Variants in SORD observed in about 807,000 individuals in gnomAD.
SORD encodes the protein (R,R)-butanediol dehydrogenase.
SORD carries 18 observed loss-of-function variants against 35.6 expected under a neutral mutation model. The ratio of observed to expected loss-of-function variants is 0.51; its 90% CI spans 0.35 to 0.75. The LOEUF is 0.75. SORD is among the 30% of genes least tolerant of loss of function. The pLI, the probability that SORD is intolerant of heterozygous loss-of-function variation, is 0.01. For synonymous variants in SORD, 106 were observed against 152.9 expected (o/e 0.69, Z 2.26); for missense variants, 250 against 390.2 (o/e 0.64, Z 3.03).
chr15:45,064,721 T>C (rs1566964272), intron 4 of SORD, among the ~76,000 whole-genome samples: 3 of 152,236 alleles, frequency 2.0e-5, no homozygotes, highest in Non-Finnish European at 4.4e-5. Context: ...ATAGTCAGGA[T>C]TGTTTGCTAA....
intron 1 of SORD, among the ~76,000 whole-genome samples, chr15:45,032,960 G>A (rs1004996938): frequency 4.5e-4 from 69 of 152,040 alleles, no homozygotes; most frequent in Non-Finnish European, 9.7e-4. Context: ...CCCACAGGAG[G>A]CTTGGCAGCA....
intron 5 of SORD, among the ~76,000 whole-genome samples, chr15:45,065,617 T>C (rs1368358066): frequency 6.6e-6 from 1 of 152,212 alleles, no homozygotes; most frequent in African/African-American, 2.4e-5. Context: ...TAGCCCTTTT[T>C]GTTCATTTAA....
chr15:45,071,060 G>A (rs956559866), intron 7 of SORD, among the ~76,000 whole-genome samples: 7 of 152,194 alleles, frequency 4.6e-5, no homozygotes, highest in Non-Finnish European at 8.8e-5. Context: ...TCTGAGCATC[G>A]CCATCCTGCC....
At chr15:45,036,384 GTCAC>G (rs1298360502) in intron 1 of SORD, 38 of 455,694 alleles carry the variant, frequency 8.3e-5, no homozygotes, top group Admixed American at 1.6e-4. Flanking sequence ...TCCTCTTGTA[GTCAC>G]TCATTAAAAG....
At chr15:45,038,181 TTCCTTCCTTCC>T (rs1892904111) in intron 1 of SORD, among the ~76,000 whole-genome samples, 3 of 136,800 alleles carry the variant, frequency 2.2e-5, no homozygotes, top group African/African-American at 9.1e-5. Context: ...CCTTCCTTCC[TTCCTTCCTTCC>T]TTCTGATGTA....
At chr15:45,053,664 T>C (rs1893165528) in intron 3 of SORD, among the ~76,000 whole-genome samples, 1 of 151,902 alleles carries the variant, frequency 6.6e-6, no homozygotes, top group Admixed American at 6.6e-5. Flanking sequence ...ATTATTATAC[T>C]TTAAGTTTTA....
At chr15:45,034,244 C>T (rs1331553758) in intron 1 of SORD, among the ~76,000 whole-genome samples, 4 of 151,986 alleles carry the variant, frequency 2.6e-5, no homozygotes, top group South Asian at 4.2e-4. Flanking sequence ...CATAACTACC[C>T]TGAGGTCACG....
intron 3 of SORD, among the ~76,000 whole-genome samples, chr15:45,050,136 G>A (rs1416233710): frequency 6.6e-6 from 1 of 152,176 alleles, no homozygotes; most frequent in Non-Finnish European, 1.5e-5. Flanking sequence ...AGGCTGGAGT[G>A]CAGTGGCGCC....
chr15:45,049,229 T>A (rs1893090814), intron 3 of SORD, among the ~76,000 whole-genome samples: 1 of 152,172 alleles, frequency 6.6e-6, no homozygotes, highest in South Asian at 2.1e-4. Flanking sequence ...CTGGTTTTTT[T>A]CTTTCTCGTT....
chr15:45,048,337 T>C (rs1204366011), intron 3 of SORD, among the ~76,000 whole-genome samples: 2 of 152,176 alleles, frequency 1.3e-5, no homozygotes, highest in Non-Finnish European at 2.9e-5. Flanking sequence ...GTAGACACTA[T>C]GGAAAAATAA....
intron 3 of SORD, among the ~76,000 whole-genome samples, chr15:45,049,703 G>A (rs545262331): frequency 6.6e-6 from 1 of 152,276 alleles, no homozygotes; most frequent in African/African-American, 2.4e-5. Context: ...TAATTGCTCA[G>A]AATTAAAATA....
intron 5 of SORD, among the ~76,000 whole-genome samples, chr15:45,066,774 G>C (rs1893412350): frequency 6.6e-6 from 1 of 152,174 alleles, no homozygotes; most frequent in African/African-American, 2.4e-5. Context: ...CCTAAGAGGG[G>C]TGATGGATGT....
intron 1 of SORD, among the ~76,000 whole-genome samples, chr15:45,023,906 C>G (rs1892629868): frequency 6.6e-6 from 1 of 152,222 alleles, no homozygotes; most frequent in Non-Finnish European, 1.5e-5. Flanking sequence ...AGGCCTCCAT[C>G]TCCAGAACCC....
At chr15:45,063,625 C>T (rs966711974) in intron 4 of SORD, among the ~76,000 whole-genome samples, 6 of 152,150 alleles carry the variant, frequency 3.9e-5, no homozygotes, top group Admixed American at 3.9e-4. Context: ...AGTATTCTTC[C>T]TGATAACAAT....
chr15:45,031,039 G>C (rs1189357167), intron 1 of SORD, among the ~76,000 whole-genome samples: 7 of 152,216 alleles, frequency 4.6e-5, no homozygotes, highest in African/African-American at 1.7e-4. Context: ...TGATAGGGGA[G>C]GTCGGGGCAG....
At chr15:45,045,179 CT>C (rs1893027007) in intron 3 of SORD, among the ~76,000 whole-genome samples, 1 of 152,146 alleles carries the variant, frequency 6.6e-6, no homozygotes, top group South Asian at 2.1e-4. Flanking sequence ...TACCCAGCAT[CT>C]TCATACTTGA....
At chr15:45,049,264 A>G (rs1893091401) in intron 3 of SORD, among the ~76,000 whole-genome samples, 1 of 151,992 alleles carries the variant, frequency 6.6e-6, no homozygotes, top group African/African-American at 2.4e-5. Flanking sequence ...TCAGGAGTGG[A>G]GACTCTAACT....
intron 4 of SORD, among the ~76,000 whole-genome samples, chr15:45,062,390 C>T (rs1189563991): frequency 6.6e-6 from 1 of 152,222 alleles, no homozygotes; most frequent in Non-Finnish European, 1.5e-5. Flanking sequence ...ATGGCCCCAG[C>T]CGTGGAGCTC....
In SORD at chr15:45,069,194, CTTTTTTTTTTTTTT is replaced by C. The variant is rs752540495; in HGVS notation, c.786+159_786+172del. On this transcript the variant is annotated intron_variant, in intron 7 of 8. Coordinates refer to ENST00000267814, the MANE Select transcript of SORD (RefSeq NM_003104.6). ...CTTTTGCCATCTATGTTTTCTTTTT[CTTTTTTTTTTTTTT>C]TTTTTTTTTTTTTTTTGAGACAGAG... is the stretch of plus-strand genomic sequence containing the variant. The C allele has an allele frequency of 3.0e-4, 35 of 116,994 alleles. 1 individual carries two copies. The highest frequency in any genetic ancestry group is 3.5e-4 in the Non-Finnish European group (19 of 55,004). 7.2% of individuals were successfully genotyped at this position (116,994 alleles called of 1,614,324 possible). A position where few individuals can be genotyped will look rare whatever the true frequency, so the allele number is the denominator to read the frequency against.
Sources: gnomAD v4.1 joint callset for allele counts (sites outside exome capture counted in the v4.1 genomes callset) on GRCh38, gnomAD v4.1.1 for gene constraint, MANE v1.5 for transcripts, NCBI Gene and HGNC (gene_info 2026-07-23, HGNC 2026-07-21) for gene names.